The following GFPT1 variants were observed in gnomAD, a reference collection of about 807,000 sequenced individuals.
GFPT1 encodes glutamine--fructose-6-phosphate aminotransferase [isomerizing] 1.
GFPT1 carries 40 observed loss-of-function variants against 92.0 expected under a neutral mutation model. The ratio of observed to expected loss-of-function variants is 0.43; its 90% CI spans 0.34 to 0.57. The LOEUF (loss-of-function observed/expected upper bound fraction) is 0.57. Ranked by LOEUF, GFPT1 falls within the 20% of genes least tolerant of loss-of-function variation. The probability of loss-of-function intolerance (pLI) is 0.02; values close to 1 mark genes in which losing one functional copy is unlikely to be tolerated. For missense variants in GFPT1, 448 were observed against 869.1 expected (o/e 0.52, Z 6.09); for synonymous variants, 269 against 280.6 (o/e 0.96, Z 0.41).
chr2:69,358,404 A>C lies in GFPT1; in HGVS notation c.468T>G (p.Val156=). 6.2e-7 allele frequency: 1 copy of C among 1,610,392 alleles called. No individual in the cohort carries two copies. Among genetic ancestry groups the C allele is most frequent in the East Asian group, 2.2e-5 (1 of 44,816 alleles). Residue 156 remains valine, a synonymous_variant, in exon 6 of 20, where the codon GTT becomes GTG. Coordinates refer to ENST00000357308, the MANE Select transcript of GFPT1 (RefSeq NM_001244710.2). Reference sequence around the variant, plus strand: ...TTTCCCGATTGTCATACATATACTTAACGAGCTTGGCAATTGTCTCTGTGT... The same window carrying C: ...TTTCCCGATTGTCATACATATACTTCACGAGCTTGGCAATTGTCTCTGTGT... ...ETDTETIAKL[V]KYMYDNRESQ... is the part of the protein sequence containing the mutation.
intron 11 of GFPT1, 57 bp downstream of exon 11, chr2:69,348,114 G>A: frequency 7.8e-7 from 1 of 1,288,048 alleles, no homozygotes; most frequent in South Asian, 1.2e-5. Context: ...AGGAAAGGAA[G>A]TAGAATATAT....
chr2:69,367,344 T>TTG (rs1553392925), intron 3 of GFPT1, among the ~76,000 whole-genome samples: 168 of 150,360 alleles, frequency 1.1e-3, no homozygotes, highest in Middle Eastern at 3.4e-3. Flanking sequence ...CAACTTATTT[T>TTG]TTGTTGTTGT....
At position 69,324,253 on chromosome 2, in the gene GFPT1, GAC is replaced by G. The variant is rs1228223742; in HGVS notation, c.*1934_*1935del. Reference sequence around the variant, plus strand: ...TTATAGAAAGACACACACAGAGGGAGACAGAGATTATGCAGACTAATGACTGA... The same window carrying G: ...TTATAGAAAGACACACACAGAGGGAGAGAGATTATGCAGACTAATGACTGA... On this transcript the variant is annotated 3_prime_UTR_variant, in exon 20 of 20. Transcript: ENST00000357308. 2.0e-5 allele frequency: 3 copies of G among 152,200 alleles called. No individual in the cohort carries two copies. The highest frequency in any genetic ancestry group is 7.2e-5 in the African/African-American group (3 of 41,432). The allele number at this position is 152,200 out of a possible 1,614,324, so 9.4% of individuals were successfully genotyped here. A position where few individuals can be genotyped will look rare whatever the true frequency, so the allele number is the denominator to read the frequency against.
intron 12 of GFPT1, among the ~76,000 whole-genome samples, chr2:69,343,291 C>T (rs776742339): frequency 6.6e-6 from 1 of 152,176 alleles, no homozygotes; most frequent in African/African-American, 2.4e-5. Flanking sequence ...AGCTTCTGGA[C>T]TCAAACAATT....
At chr2:69,335,154 G>A (rs112848607) in intron 15 of GFPT1, among the ~76,000 whole-genome samples, 3 of 151,954 alleles carry the variant, frequency 2.0e-5, no homozygotes, top group Admixed American at 6.6e-5. Context: ...CTACACGCAC[G>A]CACCACCATG....
At chr2:69,342,326 A>G (rs1670972496) in intron 12 of GFPT1, 77 bp from the exon 13 acceptor site, 2 of 847,386 alleles carry the variant, frequency 2.4e-6, no homozygotes, top group African/African-American at 1.7e-5. Context: ...GTGAGTATCC[A>G]CTGCCAATAT....
chr2:69,354,162 G>T, intron 9 of GFPT1, 97 bp downstream of exon 9: 1 of 793,230 alleles, frequency 1.3e-6, no homozygotes, highest in Non-Finnish European at 2.0e-6. Flanking sequence ...ATTTTTAGAG[G>T]CCCAGCACAT....
At chr2:69,342,052 T>C (rs1455371630) in intron 13 of GFPT1, 100 bp downstream of exon 13, 35 of 669,170 alleles carry the variant, frequency 5.2e-5, no homozygotes, top group Non-Finnish European at 1.5e-5. Context: ...AGATAACACA[T>C]TAACAAAACA....
At chr2:69,351,146 T>C (rs192608457) in intron 9 of GFPT1, among the ~76,000 whole-genome samples, 187 of 152,288 alleles carry the variant, frequency 1.2e-3, no homozygotes, top group Middle Eastern at 6.8e-3. Flanking sequence ...TTTCTTCAAC[T>C]TGGGTTTTCT....
rs148363131 is a variant in GFPT1, at chr2:69,347,896, C to A, written c.1009+275G>T. Among the ~76,000 whole-genome samples the A allele has an allele frequency of 5.5e-3, 843 of 152,272 alleles. 2 individuals carry two copies. The highest frequency in any genetic ancestry group is 0.02 in the Middle Eastern group (6 of 294). Reference sequence around the variant, plus strand: ...AGAATAAAAAGGAACAGAACATTAACTATTTTTATGTTTATAAAGTATCTT... The same window carrying A: ...AGAATAAAAAGGAACAGAACATTAAATATTTTTATGTTTATAAAGTATCTT... On this transcript the variant is annotated intron_variant, in intron 11 of 19. Coordinates refer to ENST00000357308, the MANE Select transcript of GFPT1 (RefSeq NM_001244710.2).
In GFPT1 at chr2:69,329,694, T is replaced by G. The variant is rs776835293; in HGVS notation, c.1587A>C (p.Lys529Asn). Residue 529 changes from lysine (K) to asparagine (N), a missense_variant, in exon 16 of 20, where the codon AAA becomes AAC. This residue lies in a region of GFPT1 where 73 missense variants were observed against 103.5 expected (regional missense o/e 0.71). Transcript: ENST00000357308. ...TGAGTGTCTTTGTACCAGGCAGCCG[T>G]TTCAATCCAAGCATGATCTCTTTGC... ...ERRKEIMLGL[K>N]RLPDLIKEVL... The G allele has an allele frequency of 6.2e-7, 1 of 1,607,468 alleles. No homozygotes were observed. Among genetic ancestry groups the G allele is most frequent in the Non-Finnish European group, 8.5e-7 (1 of 1,173,950 alleles).
intron 15 of GFPT1, among the ~76,000 whole-genome samples, chr2:69,336,270 C>T (rs1356089316): frequency 2.3e-5 from 3 of 132,942 alleles, no homozygotes; most frequent in Non-Finnish European, 3.1e-5. Context: ...ACCCAGGAGG[C>T]GGGGGTTGCA....
At chr2:69,366,619 CAT>C (rs1671617618) in intron 3 of GFPT1, among the ~76,000 whole-genome samples, 1 of 152,196 alleles carries the variant, frequency 6.6e-6, no homozygotes, top group Admixed American at 6.5e-5. Context: ...GACAGTTCAT[CAT>C]ATCTTTTCTA....
At chr2:69,335,502 T>C (rs185129800) in intron 15 of GFPT1, among the ~76,000 whole-genome samples, 1 of 152,184 alleles carries the variant, frequency 6.6e-6, no homozygotes, top group Admixed American at 6.5e-5. Context: ...ATATCCCACA[T>C]ACACCACGTT....
At chr2:69,353,820 T>A (rs1671269694) in intron 9 of GFPT1, among the ~76,000 whole-genome samples, 2 of 152,296 alleles carry the variant, frequency 1.3e-5, no homozygotes, top group East Asian at 3.9e-4. Flanking sequence ...CCAATCAAGA[T>A]AGCAAATGTA....
chr2:69,340,963 T>A (rs752470756), intron 13 of GFPT1, among the ~76,000 whole-genome samples: 8 of 140,894 alleles, frequency 5.7e-5, no homozygotes, highest in South Asian at 4.4e-4. Context: ...GTGTTCAAAA[T>A]TTTTTTTTTT....
intron 17 of GFPT1, 35 bp downstream of exon 17, chr2:69,329,262 A>G: frequency 6.2e-7 from 1 of 1,604,494 alleles, no homozygotes; most frequent in Non-Finnish European, 8.5e-7. Context: ...CTGCAGGTCA[A>G]TGGACTGATA....
chr2:69,336,116 A>G lies in GFPT1; in HGVS notation c.1482+1782T>C, dbSNP rs181361310. Among the ~76,000 whole-genome samples, 74 of 152,054 alleles carry G rather than the reference A, an allele frequency of 4.9e-4. 1 individual carries two copies. The highest frequency in any genetic ancestry group is 1.4e-3 in the African/African-American group (60 of 41,502). On this transcript the variant is annotated intron_variant, in intron 15 of 19. Transcript: ENST00000357308. ...CACTTTGGGAGGTTGAGGCAGGCAG[A>G]TCACTTGAGGTCAGGAGTTCAAGAC...
chr2:69,374,170 T>A, intron 1 of GFPT1, 57 bp from the exon 2 acceptor site: 1 of 848,630 alleles, frequency 1.2e-6, no homozygotes, highest in Non-Finnish European at 2.0e-6. Context: ...AAAATTAGCA[T>A]AATTATGTCA....
Sources: allele counts gnomAD v4.1 joint callset (sites outside exome capture counted in the v4.1 genomes callset), GRCh38; gene constraint gnomAD v4.1.1; regional missense constraint gnomAD v4.1.1; transcripts MANE v1.5; gene names NCBI Gene and HGNC (gene_info 2026-07-23, HGNC 2026-07-21).